Variants in SLC4A4 observed in about 807,000 individuals in gnomAD.
The protein encoded by SLC4A4 is electrogenic sodium bicarbonate cotransporter 1.
A neutral mutation model predicts 111.5 loss-of-function variants in SLC4A4; 27 were observed. That is an observed-to-expected ratio of 0.24 (90% CI 0.18 to 0.33). The LOEUF (loss-of-function observed/expected upper bound fraction) is 0.33, where lower values mean the gene tolerates loss of function less well. SLC4A4 is among the 10% of genes least tolerant of loss of function. SLC4A4 has a pLI of 1.00. For missense variants in SLC4A4, 909 were observed against 1,315.5 expected, an observed-to-expected ratio of 0.69 and a Z score of 4.78; for synonymous variants, 443 against 463.4, an observed-to-expected ratio of 0.96 and a Z score of 0.57.
At position 71,416,472 on chromosome 4, in the gene SLC4A4, AG is replaced by A. The variant is rs780602159; in HGVS notation, c.807+18820del. On this transcript the variant is annotated intron_variant, in intron 7 of 25. Coordinates refer to ENST00000264485, the MANE Select transcript of SLC4A4 (RefSeq NM_001098484.3). Reference sequence around the variant, plus strand: ...TCTCACAAAACATCTTATTGTACTGAGTTCACTTATTTTCAGACCCTGCTTG... The same window carrying A: ...TCTCACAAAACATCTTATTGTACTGATTCACTTATTTTCAGACCCTGCTTG... Among the ~76,000 whole-genome samples, 10 of 152,310 alleles carry A rather than the reference AG, an allele frequency of 6.6e-5. 1 individual carries two copies. In the South Asian group the frequency reaches 1.7e-3, roughly 25 times the overall value.
intron 3 of SLC4A4, among the ~76,000 whole-genome samples, chr4:71,273,323 CT>C (rs1160489888): frequency 6.6e-6 from 1 of 152,170 alleles, no homozygotes; most frequent in African/African-American, 2.4e-5. Flanking sequence ...TATGCAAGTA[CT>C]TTTAAATCAT....
intron 2 of SLC4A4, among the ~76,000 whole-genome samples, chr4:71,101,076 G>T (rs150444222): frequency 0.014 from 2,116 of 152,166 alleles, 62 homozygotes; most frequent in African/African-American, 0.048. Context: ...TGGCTAACAC[G>T]GTGAAACCCC....
chr4:71,467,404 G>A (rs1306974819), intron 13 of SLC4A4, among the ~76,000 whole-genome samples: 1 of 152,070 alleles, frequency 6.6e-6, no homozygotes, highest in East Asian at 1.9e-4. Flanking sequence ...TTTATTGAGA[G>A]TTGATCATGT....
At position 71,195,751 on chromosome 4, in the gene SLC4A4, T is replaced by C. The variant is rs184535739; in HGVS notation, c.-2+8350T>C. On this transcript the variant is annotated intron_variant, in intron 1 of 25. Transcript: ENST00000264485. Reference sequence around the variant, plus strand: ...ACATGGGATTTAAAAAACAAGGGTATACTATGGATTTAGGGAAGGATACCT... The same window carrying C: ...ACATGGGATTTAAAAAACAAGGGTACACTATGGATTTAGGGAAGGATACCT... 1.3e-5 allele frequency among the ~76,000 whole-genome samples: 2 copies of C among 152,362 alleles called. 1 individual carries two copies. The highest frequency in any genetic ancestry group is 4.8e-5 in the African/African-American group (2 of 41,600).
At chr4:71,567,465 A>G (rs1408537899) in intron 25 of SLC4A4, among the ~76,000 whole-genome samples, 3 of 151,750 alleles carry the variant, frequency 2.0e-5, no homozygotes, top group African/African-American at 7.2e-5. Context: ...GAAATCTCTG[A>G]ATGTTTTTAT....
chr4:71,467,051 C>T (rs1033467444), intron 13 of SLC4A4, among the ~76,000 whole-genome samples: 5 of 151,552 alleles, frequency 3.3e-5, no homozygotes, highest in East Asian at 2.0e-4. Flanking sequence ...TGCTTATCCC[C>T]GAGGACTTTA....
rs369656078 is a variant in SLC4A4 at position 71,327,561 on chromosome 4, T to C, written c.254-11809T>C. Among the ~76,000 whole-genome samples, 176 of 152,182 alleles carry C rather than the reference T, an allele frequency of 1.2e-3. 1 individual carries two copies. The highest frequency in any genetic ancestry group is 4.2e-3 in the African/African-American group (174 of 41,556). On this transcript the variant is annotated intron_variant, in intron 3 of 25. Coordinates refer to ENST00000264485, the MANE Select transcript of SLC4A4 (RefSeq NM_001098484.3). ...TCATAGACTTGTGTAAAATTAATGA[T>C]ATAACAAATGCAAAACATTTAACAC...
intron 5 of SLC4A4, among the ~76,000 whole-genome samples, chr4:71,355,859 G>T (rs557489313): frequency 1.3e-5 from 2 of 152,198 alleles, no homozygotes; most frequent in African/African-American, 2.4e-5. Context: ...TTTTGGAAAA[G>T]AATAGTTATT....
chr4:71,259,181 A>T (rs539858628), intron 3 of SLC4A4, among the ~76,000 whole-genome samples: 3 of 152,366 alleles, frequency 2.0e-5, no homozygotes, highest in Admixed American at 2.0e-4. Context: ...TAAACGAAAT[A>T]TCTTCCAGTA....
chr4:71,406,896 C>T (rs1720903864), intron 7 of SLC4A4, among the ~76,000 whole-genome samples: 1 of 152,122 alleles, frequency 6.6e-6, no homozygotes, highest in South Asian at 2.1e-4. Flanking sequence ...GCTACGTAAG[C>T]AATAATTAAC....
intron 1 of SLC4A4, among the ~76,000 whole-genome samples, chr4:71,230,309 C>G (rs1040418496): frequency 3.3e-5 from 5 of 152,218 alleles, no homozygotes; most frequent in Admixed American, 3.3e-4. Context: ...AACTCTGAGA[C>G]TGCAGTCCTC....
At chr4:71,552,442 GT>G (rs958958610) in intron 20 of SLC4A4, among the ~76,000 whole-genome samples, 1 of 151,618 alleles carries the variant, frequency 6.6e-6, no homozygotes, top group African/African-American at 2.4e-5. Flanking sequence ...CTGAATTCTG[GT>G]TGGACAACTA....
chr4:71,242,332 T>A (rs1578658857), intron 2 of SLC4A4, among the ~76,000 whole-genome samples: 1 of 152,202 alleles, frequency 6.6e-6, no homozygotes. Flanking sequence ...TAGTGAGACA[T>A]GTTGTTTGAT....
Position 71,547,564 on chromosome 4 carries a change from T to C in SLC4A4, c.2622-84T>C, listed in dbSNP as rs2278893. ...TTTAGCCAAACATTGATTTTGTCAA[T>C]GTGTAGTTTTTTTGAAGGTGAAAAG... On this transcript the variant is annotated intron_variant, in intron 19 of 25. Coordinates refer to ENST00000264485, the MANE Select transcript of SLC4A4 (RefSeq NM_001098484.3). 255,870 of 1,051,694 alleles carry C rather than the reference T, an allele frequency of 0.24. 32,763 individuals are homozygous for C. Among genetic ancestry groups the C allele is most frequent in the East Asian group, 0.41 (16,985 of 41,906 alleles). 65.1% of individuals were successfully genotyped at this position (1,051,694 alleles called of 1,614,324 possible). A position where few individuals can be genotyped will look rare whatever the true frequency, so the allele number is the denominator to read the frequency against.
At chr4:71,454,691 A>G (rs1726068577) in intron 12 of SLC4A4, among the ~76,000 whole-genome samples, 1 of 152,308 alleles carries the variant, frequency 6.6e-6, no homozygotes, top group Admixed American at 6.5e-5. Context: ...CCTAAGTAAA[A>G]AGGGAGAAAT....
intron 2 of SLC4A4, among the ~76,000 whole-genome samples, chr4:71,164,429 C>A (rs1394478144): frequency 1.4e-5 from 2 of 148,094 alleles, no homozygotes; most frequent in Admixed American, 1.3e-4. Flanking sequence ...TATTATAGTA[C>A]ACCATTAAAA....
At chr4:71,294,822 A>T (rs1179081262) in intron 3 of SLC4A4, among the ~76,000 whole-genome samples, 3 of 152,256 alleles carry the variant, frequency 2.0e-5, no homozygotes, top group African/African-American at 7.2e-5. Flanking sequence ...GTAAAGAATG[A>T]ATGGTGCCCA....
intron 16 of SLC4A4, 68 bp from the exon 17 acceptor site, chr4:71,531,994 A>T: frequency 1.1e-6 from 1 of 914,122 alleles, no homozygotes; most frequent in Non-Finnish European, 1.8e-6. Flanking sequence ...TTCTTCATTC[A>T]GTTCAAACAC....
chr4:71,532,126 C>T lies in SLC4A4; in HGVS notation c.2231C>T (p.Ala744Val), dbSNP rs772019721. 2.5e-6 allele frequency: 4 copies of T among 1,612,840 alleles called. No homozygotes were observed. The Admixed American group carries it at 5.0e-5, about 20-fold the overall frequency. ...LSILIFCVID[A>V]LVGVDTPKLI... is the part of the protein sequence containing the mutation. Reference sequence around the variant, plus strand: ...ATTCTCATCTTTTGTGTAATAGATGCCCTAGTAGGCGTGGACACCCCAAAA... The same window carrying T: ...ATTCTCATCTTTTGTGTAATAGATGTCCTAGTAGGCGTGGACACCCCAAAA... The change falls in exon 17 of 26, where the codon GCC becomes GTC. Residue 744 changes from alanine (A) to valine (V), a missense_variant. This residue lies in a region of SLC4A4 where 264 missense variants were observed against 356.8 expected (regional missense o/e 0.74). Coordinates refer to ENST00000264485, the MANE Select transcript of SLC4A4 (RefSeq NM_001098484.3).
Sources: allele counts gnomAD v4.1 joint callset (sites outside exome capture counted in the v4.1 genomes callset), GRCh38; gene constraint gnomAD v4.1.1; regional missense constraint gnomAD v4.1.1; transcripts MANE v1.5; gene names NCBI Gene and HGNC (gene_info 2026-07-23, HGNC 2026-07-21).